Variants in RBFOX2 observed in about 807,000 individuals in gnomAD.
RBFOX2 encodes RNA binding fox-1 homolog 2.
A neutral mutation model predicts 49.1 loss-of-function variants in RBFOX2; 10 were observed. The observed-to-expected ratio is 0.20, with a 90% confidence interval of 0.13 to 0.35. RBFOX2 has a LOEUF of 0.35. Among genes scored for constraint, RBFOX2 ranks in the 10% least tolerant of loss-of-function variants. The pLI is 1.00. For missense variants in RBFOX2, 323 were observed against 486.9 expected, an observed-to-expected ratio of 0.66 and a Z score of 3.17; for synonymous variants, 183 against 187.4, an observed-to-expected ratio of 0.98 and a Z score of 0.19.
intron 4 of RBFOX2, among the ~76,000 whole-genome samples, chr22:35,777,490 T>G (rs1300719509): frequency 6.6e-6 from 1 of 152,258 alleles, no homozygotes; most frequent in Non-Finnish European, 1.5e-5. Flanking sequence ...TGGGTAGAAC[T>G]TAAGGAAATC....
chr22:35,826,031 A>G (rs1259952327), intron 1 of RBFOX2, among the ~76,000 whole-genome samples: 2 of 145,530 alleles, frequency 1.4e-5, no homozygotes, highest in Non-Finnish European at 3.0e-5. Flanking sequence ...TATATAAAAA[A>G]TTCTTTGCTT....
At chr22:35,906,134 T>A (rs138131186) in intron 1 of RBFOX2, among the ~76,000 whole-genome samples, 55 of 152,278 alleles carry the variant, frequency 3.6e-4, no homozygotes, top group African/African-American at 1.2e-3. Context: ...ATACCGCATA[T>A]GTCATTAAGT....
Position 35,882,222 on chromosome 22 carries a change from CA to C in RBFOX2, c.-34+56624del, listed in dbSNP as rs571870369. On this transcript the variant is annotated intron_variant, in intron 1 of 13. Coordinates refer to the RBFOX2 transcript ENST00000359369. ...AAAATCAGGAAAGTATGATGTCCTG[CA>C]AGTCAAGTATCCAAGAAAGTGAATT... Among the ~76,000 whole-genome samples, 36 of 152,182 alleles carry C rather than the reference CA, an allele frequency of 2.4e-4. 1 individual carries two copies. In the South Asian group the frequency reaches 7.5e-3, roughly 32 times the overall value.
chr22:35,858,486 C>A (rs1055669232), intron 1 of RBFOX2, among the ~76,000 whole-genome samples: 1 of 152,164 alleles, frequency 6.6e-6, no homozygotes, highest in African/African-American at 2.4e-5. Context: ...TAGATGAATT[C>A]TCTAAGGATA....
intron 1 of RBFOX2, chr22:35,993,838 T>A (rs1316560428): frequency 6.6e-6 from 1 of 151,888 alleles, no homozygotes; most frequent in Non-Finnish European, 1.5e-5. Context: ...AATACAAAAT[T>A]TAGCCAGGTG....
At chr22:35,857,086 T>A (rs1398450835) in intron 1 of RBFOX2, among the ~76,000 whole-genome samples, 3 of 152,180 alleles carry the variant, frequency 2.0e-5, no homozygotes, top group African/African-American at 7.2e-5. Flanking sequence ...AGGGATTGTG[T>A]GACCAGTTTA....
intron 1 of RBFOX2, among the ~76,000 whole-genome samples, chr22:35,820,128 A>C (rs956401957): frequency 1.3e-5 from 2 of 152,178 alleles, no homozygotes; most frequent in Admixed American, 1.3e-4. Flanking sequence ...GGACGTTGAT[A>C]GAAATCCTGT....
intron 1 of RBFOX2, among the ~76,000 whole-genome samples, chr22:35,895,353 C>T (rs2047715007): frequency 6.6e-6 from 1 of 152,068 alleles, no homozygotes; most frequent in South Asian, 2.1e-4. Flanking sequence ...AAATCTCTGC[C>T]CTCTAAGATC....
At chr22:35,939,148 C>A, upstream of RBFOX2, 1 of 654,968 alleles carries the variant, frequency 1.5e-6, no homozygotes, top group Non-Finnish European at 2.8e-6. Context: ...AAATCTGTTT[C>A]CTTTCCAGTA....
intron 9 of RBFOX2, among the ~76,000 whole-genome samples, chr22:35,758,456 A>G (rs1006902566): frequency 2.0e-5 from 3 of 152,204 alleles, no homozygotes; most frequent in African/African-American, 7.2e-5. Flanking sequence ...TTACAACGGA[A>G]GACATTTCAC....
rs180926543 is a variant in RBFOX2, at chr22:35,757,699, C to T, written c.887+2189G>A. 3.9e-5 allele frequency among the ~76,000 whole-genome samples: 6 copies of T among 152,236 alleles called. No individual in the cohort carries two copies. In the East Asian group the frequency reaches 1.2e-3, roughly 29 times the overall value. ...CACACAAAAGGCAAATCAAACTCAT[C>T]TCTGATGTTCATTTAGCTAAGTCCC... On this transcript the variant is annotated intron_variant, in intron 9 of 11. Transcript: ENST00000405409.
upstream of RBFOX2, among the ~76,000 whole-genome samples, chr22:35,941,924 T>C (rs967801859): frequency 6.6e-6 from 1 of 152,212 alleles, no homozygotes; most frequent in Admixed American, 6.5e-5. Flanking sequence ...CCTGTATATA[T>C]CTGTCTCTTA....
chr22:35,872,888 C>T (rs2044542099), intron 1 of RBFOX2, among the ~76,000 whole-genome samples: 1 of 152,146 alleles, frequency 6.6e-6, no homozygotes, highest in Non-Finnish European at 1.5e-5. Context: ...AGTGCCTCTA[C>T]TCACCTAGGT....
At chr22:35,894,721 G>A (rs1181189155) in intron 1 of RBFOX2, among the ~76,000 whole-genome samples, 2 of 152,126 alleles carry the variant, frequency 1.3e-5, no homozygotes, top group African/African-American at 2.4e-5. Context: ...TGTGCTCTGT[G>A]GGGAGGCCAT....
At chr22:35,802,111 G>A (rs868144004) in intron 2 of RBFOX2, among the ~76,000 whole-genome samples, 16 of 152,124 alleles carry the variant, frequency 1.1e-4, no homozygotes, top group Middle Eastern at 3.4e-3. Flanking sequence ...AGGAATGCAA[G>A]TCTTAACTAT....
At chr22:35,941,022 A>G (rs980058632), upstream of RBFOX2, among the ~76,000 whole-genome samples, 15 of 152,176 alleles carry the variant, frequency 9.9e-5, no homozygotes, top group African/African-American at 3.6e-4. Flanking sequence ...CACATCCATT[A>G]TTATATTAAA....
At chr22:35,781,657 C>T in exon 3 of RBFOX2, 1 of 1,614,220 alleles carries the variant, frequency 6.2e-7, no homozygotes, top group South Asian at 1.1e-5. Flanking sequence ...TAGAGACATG[C>T]AGCCGTTTCG....
chr22:35,879,750 T>G (rs569342089), intron 1 of RBFOX2, among the ~76,000 whole-genome samples: 1 of 152,344 alleles, frequency 6.6e-6, no homozygotes, highest in Non-Finnish European at 1.5e-5. Flanking sequence ...TGTCAGATGT[T>G]GTGATTAGAA....
chr22:35,745,631 C>G (rs540295251), intron 11 of RBFOX2, among the ~76,000 whole-genome samples: 2 of 152,260 alleles, frequency 1.3e-5, no homozygotes, highest in African/African-American at 2.4e-5. Context: ...ACATTTGAAC[C>G]AATAGAAAAC....
Sources: allele counts gnomAD v4.1 joint callset (sites outside exome capture counted in the v4.1 genomes callset), GRCh38; gene constraint gnomAD v4.1.1; transcripts MANE v1.5; gene names NCBI Gene and HGNC (gene_info 2026-07-23, HGNC 2026-07-21).